Variants in TMA16 observed in about 807,000 individuals in gnomAD.
TMA16 encodes the protein translation machinery associated 16 homolog.
A neutral mutation model predicts 27.1 loss-of-function variants in TMA16; 26 were observed. That is an observed-to-expected ratio of 0.96 (90% confidence interval 0.70 to 1.33). The LOEUF (loss-of-function observed/expected upper bound fraction) is 1.33. Among genes scored for constraint, TMA16 ranks in the 40% most tolerant of loss-of-function variants. The pLI, the probability that TMA16 is intolerant of heterozygous loss-of-function variation, is 0.00. For missense variants in TMA16, 233 were observed against 241.4 expected (o/e 0.97, Z 0.23); for synonymous variants, 71 against 81.9 (o/e 0.87, Z 0.72).
chr4:163,519,259 A>T, intron 6 of TMA16, 75 bp from the exon 7 acceptor site: 1 of 1,385,522 alleles, frequency 7.2e-7, no homozygotes, highest in Non-Finnish European at 9.5e-7. Context: ...AGTTTCGAAA[A>T]TTTACTATCT....
intron 1 of TMA16, among the ~76,000 whole-genome samples, chr4:163,501,140 T>C (rs1469679467): frequency 6.6e-6 from 1 of 152,228 alleles, no homozygotes; most frequent in Admixed American, 6.5e-5. Context: ...GAGACTATGC[T>C]TACTGTTATC....
At chr4:163,515,933 A>C (rs1034991643) in intron 5 of TMA16, 11 of 157,582 alleles carry the variant, frequency 7.0e-5, no homozygotes, top group Admixed American at 6.7e-4. Context: ...CAGAAACTCT[A>C]CAGTCACTTT....
chr4:163,506,867 A>C (rs1352380277), intron 1 of TMA16, among the ~76,000 whole-genome samples, 166 bp from the exon 2 acceptor site: 4 of 152,222 alleles, frequency 2.6e-5, no homozygotes, highest in Non-Finnish European at 5.9e-5. Flanking sequence ...GATTATTAGA[A>C]TTATTTAATG....
intron 4 of TMA16, 144 bp downstream of exon 4, chr4:163,514,302 A>G (rs1737843927): frequency 2.2e-5 from 14 of 648,780 alleles, no homozygotes; most frequent in South Asian, 1.4e-4. Context: ...CTTAGTCACT[A>G]TAGGAGGTTT....
In TMA16 at chr4:163,503,092, G is replaced by T. The variant is rs764174336; in HGVS notation, c.4-3941G>T. Among the ~76,000 whole-genome samples the T allele has an allele frequency of 2.3e-4, 35 of 152,248 alleles. No individual in the cohort carries two copies. The South Asian group carries it at 6.2e-3, about 27-fold the overall frequency. On this transcript the variant is annotated intron_variant, in intron 1 of 6. Transcript: ENST00000358572. ...TCCTGGACAGGTTTAAAGCCTAGGA[G>T]CAATAGGCTATGCCATAGAGCCTGT...
chr4:163,518,525 A>G (rs950757001), intron 6 of TMA16, among the ~76,000 whole-genome samples: 7 of 152,230 alleles, frequency 4.6e-5, no homozygotes, highest in Non-Finnish European at 7.3e-5. Flanking sequence ...TGAATCAACA[A>G]GCAGTTTTTT....
At chr4:163,513,653 C>T (rs1377552332) in intron 3 of TMA16, among the ~76,000 whole-genome samples, 1 of 152,132 alleles carries the variant, frequency 6.6e-6, no homozygotes, top group Non-Finnish European at 1.5e-5. Flanking sequence ...TACTAATTCT[C>T]ATGGGATTAT....
intron 6 of TMA16, 134 bp from the exon 7 acceptor site, chr4:163,519,200 A>T: frequency 1.4e-6 from 1 of 717,048 alleles, no homozygotes; most frequent in Non-Finnish European, 2.2e-6. Context: ...ATTTGTGCCT[A>T]ATATTTTCCT....
At chr4:163,511,449 A>C (rs1429624405) in intron 2 of TMA16, among the ~76,000 whole-genome samples, 1 of 152,068 alleles carries the variant, frequency 6.6e-6, no homozygotes, top group Non-Finnish European at 1.5e-5. Context: ...TATATATTCT[A>C]GATACAAGTC....
At position 163,519,826 on chromosome 4, in the gene TMA16, C is replaced by T; in HGVS notation, c.*312C>T. ...TTTGTTTTTCTTGTGTATTTATGAT[C>T]ACCTAATTTCACGTTTTGTGAAATG... On this transcript the variant is annotated 3_prime_UTR_variant, in exon 7 of 7. Transcript: ENST00000358572. 2.0e-6 allele frequency: 1 copy of T among 503,628 alleles called. No homozygotes were observed. Among genetic ancestry groups the T allele is most frequent in the South Asian group, 2.3e-5 (1 of 44,244 alleles). The allele number at this position is 503,628 out of a possible 1,614,324, so 31.2% of individuals were successfully genotyped here. A position where few individuals can be genotyped will look rare whatever the true frequency, so the allele number is the denominator to read the frequency against.
intron 1 of TMA16, among the ~76,000 whole-genome samples, chr4:163,502,461 A>G (rs1737662027): frequency 6.6e-6 from 1 of 152,146 alleles, no homozygotes; most frequent in Non-Finnish European, 1.5e-5. Flanking sequence ...TGCAGTCTCA[A>G]ATGAGCTGCT....
chr4:163,494,888 T>G (rs1395801463), intron 1 of TMA16, 84 bp downstream of exon 1: 1 of 1,582,604 alleles, frequency 6.3e-7, no homozygotes, highest in African/African-American at 1.3e-5. Flanking sequence ...AGGGTGCGGT[T>G]TCGGGAACCT....
intron 1 of TMA16, among the ~76,000 whole-genome samples, chr4:163,500,355 C>T (rs1019834262): frequency 7.9e-5 from 12 of 151,812 alleles, no homozygotes; most frequent in African/African-American, 1.2e-4. Context: ...GGATTATAAG[C>T]GTGCACCACC....
chr4:163,496,272 C>T (rs72989832), intron 1 of TMA16, among the ~76,000 whole-genome samples: 4,900 of 152,300 alleles, frequency 0.032, 205 homozygotes, highest in African/African-American at 0.099. Context: ...AACCTCCCAT[C>T]TGTTTAATTG....
chr4:163,498,088 T>G (rs1186097974), intron 1 of TMA16, among the ~76,000 whole-genome samples: 1 of 152,134 alleles, frequency 6.6e-6, no homozygotes, highest in Non-Finnish European at 1.5e-5. Context: ...TAGATCCACT[T>G]CTTGCTTTTT....
intron 6 of TMA16, among the ~76,000 whole-genome samples, chr4:163,518,556 T>C (rs1424909246): frequency 6.6e-6 from 1 of 152,220 alleles, no homozygotes; most frequent in Non-Finnish European, 1.5e-5. Context: ...CATAGATTTT[T>C]ATTAATCATT....
intron 2 of TMA16, among the ~76,000 whole-genome samples, chr4:163,511,859 C>G (rs1039119251): frequency 6.6e-6 from 1 of 152,024 alleles, no homozygotes; most frequent in African/African-American, 2.4e-5. Flanking sequence ...CAAAAGATTT[C>G]ATTTTATTTC....
intron 1 of TMA16, among the ~76,000 whole-genome samples, chr4:163,497,772 TA>T (rs1458980535): frequency 1.3e-5 from 2 of 152,214 alleles, no homozygotes; most frequent in African/African-American, 4.8e-5. Context: ...CTTTTTGTCA[TA>T]TATGGTAATA....
chr4:163,502,560 A>G (rs1737663029), intron 1 of TMA16, among the ~76,000 whole-genome samples: 1 of 152,184 alleles, frequency 6.6e-6, no homozygotes, highest in Admixed American at 6.5e-5. Context: ...CCAAGAGGGA[A>G]AGGCTACTGA....
Sources: allele counts gnomAD v4.1 joint callset (sites outside exome capture counted in the v4.1 genomes callset), GRCh38; gene constraint gnomAD v4.1.1; transcripts MANE v1.5; gene names NCBI Gene and HGNC (gene_info 2026-07-23, HGNC 2026-07-21).